The following GALNT17 variants were observed in gnomAD, a reference collection of about 807,000 sequenced individuals.
The protein encoded by GALNT17 is UDP-GalNAc:polypeptide N-acetylgalactosaminyltransferase-like 3.
In GALNT17, 29 loss-of-function variants were observed where a neutral mutation model predicts 63.7. That is an observed-to-expected ratio of 0.46 (90% CI 0.34 to 0.62). GALNT17 has a LOEUF of 0.62. GALNT17 is among the 20% of genes least tolerant of loss of function. The pLI, the probability that GALNT17 is intolerant of heterozygous loss-of-function variation, is 0.01. For missense variants in GALNT17, 603 were observed against 799.6 expected (o/e 0.75, Z 2.97); for synonymous variants, 305 against 318.3 (o/e 0.96, Z 0.45).
At chr7:71,480,261 G>A (rs969329752) in intron 5 of GALNT17, among the ~76,000 whole-genome samples, 1 of 137,928 alleles carries the variant, frequency 7.3e-6, no homozygotes, top group African/African-American at 2.7e-5. Flanking sequence ...TGCCTCCTGG[G>A]TTCAAGCGAT....
intron 9 of GALNT17, among the ~76,000 whole-genome samples, chr7:71,678,374 C>G (rs1044501823): frequency 2.0e-5 from 3 of 151,788 alleles, no homozygotes; most frequent in African/African-American, 7.3e-5. Flanking sequence ...GATCCACCAC[C>G]TCGGCCTCCC....
intron 6 of GALNT17, among the ~76,000 whole-genome samples, chr7:71,600,923 T>TC (rs910559908): frequency 1.3e-5 from 2 of 151,820 alleles, no homozygotes; most frequent in African/African-American, 2.4e-5. Context: ...CTCCCACTCT[T>TC]CCCCCCAAGT....
intron 6 of GALNT17, among the ~76,000 whole-genome samples, chr7:71,619,495 A>G (rs1790262070): frequency 6.6e-6 from 1 of 152,182 alleles, no homozygotes; most frequent in African/African-American, 2.4e-5. Flanking sequence ...TTCTCCTTGT[A>G]GAGATCTTTC....
rs148721427 is a variant in GALNT17, at chr7:71,533,313, G to A, written c.963-37972G>A. Among the ~76,000 whole-genome samples, 875 of 152,312 alleles carry A rather than the reference G, an allele frequency of 5.7e-3. 4 individuals are homozygous for A. Among genetic ancestry groups the A allele is most frequent in the Middle Eastern group, 0.014 (4 of 294 alleles). The stretch of plus-strand genomic sequence containing the variant: ...AGACTATGAGACGATGTATTCTTGC[G>A]TCTTGCAGTTGATAACAACCAAAAC... On this transcript the variant is annotated intron_variant, in intron 5 of 10. Transcript: ENST00000333538.
chr7:71,697,283 G>A, intron 9 of GALNT17, among the ~76,000 whole-genome samples: 1 of 152,144 alleles, frequency 6.6e-6, no homozygotes, highest in East Asian at 1.9e-4. Context: ...AGGGTCTGGA[G>A]GCAAGAGAAC....
chr7:71,695,590 A>G (rs1318197810), intron 9 of GALNT17, among the ~76,000 whole-genome samples: 1 of 152,214 alleles, frequency 6.6e-6, no homozygotes, highest in African/African-American at 2.4e-5. Flanking sequence ...GAGTTTTGCC[A>G]GGTGTGTGCA....
chr7:71,710,221 A>G (rs1791773058), intron 9 of GALNT17, among the ~76,000 whole-genome samples: 1 of 152,168 alleles, frequency 6.6e-6, no homozygotes, highest in Non-Finnish European at 1.5e-5. Flanking sequence ...CTTAGATAAA[A>G]GATCAGGGCC....
intron 5 of GALNT17, among the ~76,000 whole-genome samples, chr7:71,458,121 A>G (rs1787386842): frequency 6.6e-6 from 1 of 152,246 alleles, no homozygotes; most frequent in African/African-American, 2.4e-5. Flanking sequence ...GCCAGGGCTC[A>G]GGCAGCAGGC....
intron 2 of GALNT17, among the ~76,000 whole-genome samples, chr7:71,339,905 G>A (rs966558108): frequency 1.1e-4 from 16 of 152,120 alleles, no homozygotes; most frequent in Admixed American, 5.9e-4. Flanking sequence ...AAGGAATAGA[G>A]AGAATGGCAA....
chr7:71,462,517 C>T lies in GALNT17; in HGVS notation c.962+41412C>T, dbSNP rs1232833091. 2.0e-5 allele frequency among the ~76,000 whole-genome samples: 3 copies of T among 152,216 alleles called. No individual in the cohort carries two copies. The East Asian group carries it at 5.8e-4, about 29-fold the overall frequency. On this transcript the variant is annotated intron_variant, in intron 5 of 10. Transcript: ENST00000333538. ...GGGTTGAGGACTCACACCCCTAACA[C>T]AGCCTCAGGAAGTGCTGACGGCATG...
At chr7:71,335,138 A>T (rs893273807) in intron 1 of GALNT17, among the ~76,000 whole-genome samples, 3 of 151,824 alleles carry the variant, frequency 2.0e-5, no homozygotes, top group Non-Finnish European at 4.4e-5. Flanking sequence ...ATATTTATTT[A>T]TTTATTTTTT....
At chr7:71,215,261 A>G (rs113034716) in intron 1 of GALNT17, among the ~76,000 whole-genome samples, 239 of 152,292 alleles carry the variant, frequency 1.6e-3, no homozygotes, top group African/African-American at 5.3e-3. Flanking sequence ...CTCCTGCCAC[A>G]TAATGAATTT....
chr7:71,406,510 A>G (rs1057444126), intron 3 of GALNT17, among the ~76,000 whole-genome samples: 3 of 152,156 alleles, frequency 2.0e-5, no homozygotes, highest in Non-Finnish European at 2.9e-5. Context: ...TGCTATCTCC[A>G]TTGGACAGAT....
intron 1 of GALNT17, among the ~76,000 whole-genome samples, chr7:71,241,004 T>C (rs985943361): frequency 1.3e-5 from 2 of 152,172 alleles, no homozygotes; most frequent in Admixed American, 6.5e-5. Context: ...CCTAGGTTGA[T>C]TCCATGTCTT....
At chr7:71,579,051 A>G (rs1789585012) in intron 6 of GALNT17, among the ~76,000 whole-genome samples, 1 of 152,158 alleles carries the variant, frequency 6.6e-6, no homozygotes, top group Non-Finnish European at 1.5e-5. Flanking sequence ...TCATTTTCAT[A>G]CTTTTTAGAT....
intron 5 of GALNT17, among the ~76,000 whole-genome samples, chr7:71,506,684 G>A (rs1788274948): frequency 6.6e-6 from 1 of 152,188 alleles, no homozygotes; most frequent in Non-Finnish European, 1.5e-5. Flanking sequence ...AATCAAATCA[G>A]GGTAGTTAGC....
intron 6 of GALNT17, among the ~76,000 whole-genome samples, chr7:71,604,700 C>T (rs1001122182): frequency 6.6e-6 from 1 of 152,186 alleles, no homozygotes; most frequent in Non-Finnish European, 1.5e-5. Context: ...GGCATTGGTT[C>T]TGTTCGCTGG....
chr7:71,568,481 A>C (rs561569630), intron 5 of GALNT17, among the ~76,000 whole-genome samples: 1 of 152,164 alleles, frequency 6.6e-6, no homozygotes, highest in Admixed American at 6.5e-5. Context: ...CATGTCTGCT[A>C]TTTTCCCATC....
chr7:71,154,298 C>G (rs557721335), intron 1 of GALNT17, among the ~76,000 whole-genome samples: 87 of 152,304 alleles, frequency 5.7e-4, no homozygotes, highest in African/African-American at 2.0e-3. Flanking sequence ...GCGCAGGAGC[C>G]AGACACATGA....
Sources: gnomAD v4.1 joint callset for allele counts (sites outside exome capture counted in the v4.1 genomes callset) on GRCh38, gnomAD v4.1.1 for gene constraint, MANE v1.5 for transcripts, NCBI Gene and HGNC (gene_info 2026-07-23, HGNC 2026-07-21) for gene names.